WDFY2: variants seen among roughly 807,000 people sequenced by gnomAD.
WDFY2 encodes WD repeat and FYVE domain-containing protein 2.
In WDFY2, 36 loss-of-function variants were observed where a neutral mutation model predicts 56.4. That is an observed-to-expected ratio of 0.64 (90% CI 0.49 to 0.84). WDFY2 has a LOEUF of 0.84. Ranked by LOEUF, WDFY2 falls within the 40% of genes least tolerant of loss-of-function variation. The pLI is 0.00. For synonymous variants in WDFY2, 176 were observed against 183.7 expected, an observed-to-expected ratio of 0.96 and a Z score of 0.34; for missense variants, 444 against 512.2, an observed-to-expected ratio of 0.87 and a Z score of 1.29.
At chr13:51,643,763 C>T (rs1386917240) in intron 1 of WDFY2, among the ~76,000 whole-genome samples, 1 of 152,074 alleles carries the variant, frequency 6.6e-6, no homozygotes, top group African/African-American at 2.4e-5. Context: ...GGACAATATT[C>T]GTTTTTCTCT....
chr13:51,759,153 C>T (rs920289763), intron 11 of WDFY2, among the ~76,000 whole-genome samples: 6 of 152,132 alleles, frequency 3.9e-5, no homozygotes, highest in African/African-American at 1.4e-4. Context: ...TGTACTCCAG[C>T]CTGGGTGACA....
chr13:51,660,448 C>T, intron 1 of WDFY2, 148 bp from the exon 2 acceptor site: 1 of 539,370 alleles, frequency 1.9e-6, no homozygotes, highest in Non-Finnish European at 3.3e-6. Context: ...GATACGCCTA[C>T]CTCGGCCTCT....
At chr13:51,692,219 TC>T (rs1051520029) in intron 3 of WDFY2, among the ~76,000 whole-genome samples, 4 of 152,222 alleles carry the variant, frequency 2.6e-5, no homozygotes, top group Non-Finnish European at 2.9e-5. Flanking sequence ...GGCCAGAACT[TC>T]CAACACTATG....
intron 2 of WDFY2, among the ~76,000 whole-genome samples, chr13:51,671,361 A>T (rs1955803715): frequency 6.6e-6 from 1 of 152,180 alleles, no homozygotes; most frequent in Non-Finnish European, 1.5e-5. Context: ...TTTTCGCCAC[A>T]TCCATGCCAA....
chr13:51,721,753 A>G (rs1282270800), intron 5 of WDFY2, among the ~76,000 whole-genome samples: 1 of 152,090 alleles, frequency 6.6e-6, no homozygotes, highest in Non-Finnish European at 1.5e-5. Flanking sequence ...ATGATTTTGG[A>G]GCCATAGTTC....
chr13:51,622,953 G>A (rs549963423), intron 1 of WDFY2, among the ~76,000 whole-genome samples: 4 of 151,476 alleles, frequency 2.6e-5, no homozygotes, highest in South Asian at 4.2e-4. Context: ...CACCTCCCGG[G>A]TTCAAGCAAT....
intron 1 of WDFY2, among the ~76,000 whole-genome samples, chr13:51,637,353 T>C (rs1394769482): frequency 6.6e-6 from 1 of 152,234 alleles, no homozygotes; most frequent in Admixed American, 6.5e-5. Context: ...TCTTAACTTT[T>C]TGTAAAATGA....
At chr13:51,699,410 C>T (rs921361946) in intron 3 of WDFY2, among the ~76,000 whole-genome samples, 1 of 152,210 alleles carries the variant, frequency 6.6e-6, no homozygotes, top group African/African-American at 2.4e-5. Flanking sequence ...TAATGCATCA[C>T]CGTCTTTCTC....
intron 9 of WDFY2, 64 bp downstream of exon 9, chr13:51,755,523 A>T: frequency 1.3e-6 from 2 of 1,521,478 alleles, no homozygotes; most frequent in Non-Finnish European, 1.8e-6. Flanking sequence ...ATGTGATCTT[A>T]GAAGAAATAA....
chr13:51,621,588 G>A (rs537837596), intron 1 of WDFY2, among the ~76,000 whole-genome samples: 14 of 152,314 alleles, frequency 9.2e-5, no homozygotes, highest in Admixed American at 7.2e-4. Context: ...AGACTTTGAT[G>A]CAGTTGAGAC....
chr13:51,631,068 C>T (rs1182149357), intron 1 of WDFY2, among the ~76,000 whole-genome samples: 1 of 150,066 alleles, frequency 6.7e-6, no homozygotes, highest in Admixed American at 6.6e-5. Flanking sequence ...GCGTGAGCCA[C>T]CATGCCCAGC....
intron 1 of WDFY2, chr13:51,591,511 A>G (rs544980278): frequency 2.6e-5 from 4 of 152,330 alleles, no homozygotes; most frequent in Admixed American, 1.3e-4. Context: ...CATAAATCAT[A>G]GTAAAAAATA....
intron 1 of WDFY2, among the ~76,000 whole-genome samples, chr13:51,624,108 C>G (rs542130406): frequency 1.3e-5 from 2 of 152,280 alleles, no homozygotes; most frequent in Non-Finnish European, 1.5e-5. Context: ...GAAATTGATT[C>G]ATTTAATCAG....
At chr13:51,727,552 T>C in intron 5 of WDFY2, 126 bp from the exon 6 acceptor site, 2 of 813,532 alleles carry the variant, frequency 2.5e-6, no homozygotes, top group Non-Finnish European at 3.9e-6. Context: ...TTTGTGTCTT[T>C]CAGCACTGTC....
intron 1 of WDFY2, among the ~76,000 whole-genome samples, chr13:51,608,876 C>T (rs1403440418): frequency 6.6e-6 from 1 of 152,072 alleles, no homozygotes; most frequent in East Asian, 1.9e-4. Flanking sequence ...TATTAGGGGG[C>T]ATTTAGGTTA....
intron 5 of WDFY2, among the ~76,000 whole-genome samples, chr13:51,723,977 C>T (rs117136291): frequency 6.6e-6 from 1 of 152,078 alleles, no homozygotes; most frequent in African/African-American, 2.4e-5. Flanking sequence ...ATAGGAAAAG[C>T]AAGATAAATT....
chr13:51,713,592 G>A (rs1952273709), intron 4 of WDFY2, among the ~76,000 whole-genome samples: 1 of 152,154 alleles, frequency 6.6e-6, no homozygotes, highest in South Asian at 2.1e-4. Flanking sequence ...AAAGGACAAG[G>A]CCAGGCGTAG....
chr13:51,641,299 T>C (rs1426825237), intron 1 of WDFY2, among the ~76,000 whole-genome samples: 1 of 151,976 alleles, frequency 6.6e-6, no homozygotes, highest in African/African-American at 2.4e-5. Flanking sequence ...CTTGAACTCC[T>C]GACTTCGTGA....
At chr13:51,610,741 C>G (rs1370340089) in intron 1 of WDFY2, among the ~76,000 whole-genome samples, 1 of 152,178 alleles carries the variant, frequency 6.6e-6, no homozygotes, top group African/African-American at 2.4e-5. Context: ...GATTGATTCT[C>G]TGGTTGTCTG....
Sources: allele counts gnomAD v4.1 joint callset (sites outside exome capture counted in the v4.1 genomes callset), GRCh38; gene constraint gnomAD v4.1.1; transcripts MANE v1.5; gene names NCBI Gene and HGNC (gene_info 2026-07-23, HGNC 2026-07-21).